ANKRD12: variants seen among roughly 807,000 people sequenced by gnomAD.
ANKRD12 encodes the protein ankyrin repeat domain 12.
A neutral mutation model predicts 183.4 loss-of-function variants in ANKRD12; 85 were observed. That is an observed-to-expected ratio of 0.46 (90% CI 0.39 to 0.56). ANKRD12 has a LOEUF of 0.56. ANKRD12 is among the 20% of genes least tolerant of loss of function. The pLI, the probability that ANKRD12 is intolerant of heterozygous loss-of-function variation, is 0.00. For missense variants in ANKRD12, 2,405 were observed against 2,357.1 expected, an observed-to-expected ratio of 1.02 and a Z score of -0.42; for synonymous variants, 914 against 800.2, an observed-to-expected ratio of 1.14 and a Z score of -2.40.
rs746173657 is a variant in ANKRD12, at chr18:9,182,423, CA to C, written c.-9del. ...CTGATAAAAGAAGAAGCTAGCTGAA[CA>C]GCTGTAAAATGCCCAAATCTGGGTT... On this transcript the variant is annotated 5_prime_UTR_variant, in exon 2 of 13. Coordinates refer to ENST00000262126, the MANE Select transcript of ANKRD12 (RefSeq NM_015208.5). 21 of 1,595,328 alleles carry C rather than the reference CA, an allele frequency of 1.3e-5. No individual in the cohort carries two copies. The African/African-American group carries it at 2.8e-4, about 22-fold the overall frequency.
intron 4 of ANKRD12, among the ~76,000 whole-genome samples, chr18:9,205,322 AT>A (rs11352784): frequency 0.52 from 79,306 of 151,296 alleles, 23,265 homozygotes; most frequent in South Asian, 0.75. Context: ...TAAAAATATG[AT>A]TTTTTTTTAG....
At position 9,285,179 on chromosome 18, in the gene ANKRD12, A is replaced by G. The variant is rs2040195239; in HGVS notation, c.*4053A>G. 1 of 151,524 alleles carries G rather than the reference A, an allele frequency of 6.6e-6. No individual in the cohort carries two copies. The highest frequency in any genetic ancestry group is 2.1e-4 in the South Asian group (1 of 4,812). 9.4% of individuals were successfully genotyped at this position (151,524 alleles called of 1,614,324 possible). The stretch of plus-strand genomic sequence containing the variant: ...AGCCGAGATCGTGCCACTGCACTCC[A>G]GCCTGGGCGACAGAGCGAGACTCCG... On this transcript the variant is annotated 3_prime_UTR_variant, in exon 13 of 13. Coordinates refer to ENST00000262126, the MANE Select transcript of ANKRD12 (RefSeq NM_015208.5).
chr18:9,259,327 C>T (rs1598731727), intron 9 of ANKRD12: 2 of 156,204 alleles, frequency 1.3e-5, no homozygotes, highest in Non-Finnish European at 2.8e-5. Context: ...GGAATTTATA[C>T]ACATTTATGT....
chr18:9,240,258 G>T (rs575993316), intron 8 of ANKRD12, among the ~76,000 whole-genome samples: 9 of 152,264 alleles, frequency 5.9e-5, no homozygotes, highest in African/African-American at 1.9e-4. Context: ...GCTTATTTGT[G>T]TATAAATGTT....
In ANKRD12 at chr18:9,254,966, T is replaced by C. The variant is rs1191061335; in HGVS notation, c.1699T>C (p.Leu567=). 6.2e-7 allele frequency: 1 copy of C among 1,607,634 alleles called. No homozygotes were observed. Among genetic ancestry groups the C allele is most frequent in the Non-Finnish European group, 8.5e-7 (1 of 1,177,736 alleles). Residue 567 remains leucine, a synonymous_variant, in exon 9 of 13, where the codon TTA becomes CTA. Transcript: ENST00000262126. The part of the protein sequence containing the change: ...PLKQEHTKTC[L]SPGSSEMSLQ... The stretch of plus-strand genomic sequence containing the variant: ...AAAACAAGAACATACTAAAACATGT[T>C]TATCACCAGGAAGTTCTGAAATGTC...
At chr18:9,163,315 C>T (rs1046608225) in intron 1 of ANKRD12, among the ~76,000 whole-genome samples, 1 of 152,126 alleles carries the variant, frequency 6.6e-6, no homozygotes, top group Non-Finnish European at 1.5e-5. Flanking sequence ...TTCTTCATTG[C>T]TTGTTTTCGT....
intron 1 of ANKRD12, among the ~76,000 whole-genome samples, chr18:9,170,400 TTTTG>T (rs1397305986): frequency 6.6e-6 from 1 of 152,014 alleles, no homozygotes. Flanking sequence ...TTCTTGGAGG[TTTTG>T]TTTGTTTCTT....
intron 1 of ANKRD12, among the ~76,000 whole-genome samples, chr18:9,171,654 A>G (rs2032739109): frequency 6.6e-6 from 1 of 152,132 alleles, no homozygotes. Flanking sequence ...TGCTTGTTTG[A>G]AAAGAATCTT....
At chr18:9,262,787 C>CTTTTTTTTT (rs71168048) in intron 9 of ANKRD12, among the ~76,000 whole-genome samples, 2 of 83,772 alleles carry the variant, frequency 2.4e-5, no homozygotes, top group African/African-American at 1.1e-4. Context: ...CAAGATGTCC[C>CTTTTTTTTT]TTTTTTTTTT....
chr18:9,268,455 G>C (rs926959243), intron 10 of ANKRD12, among the ~76,000 whole-genome samples: 4 of 152,182 alleles, frequency 2.6e-5, no homozygotes, highest in African/African-American at 9.7e-5. Flanking sequence ...TGGGATGCAA[G>C]GCTGGTTCAG....
chr18:9,182,472 A>G lies in ANKRD12; in HGVS notation c.40A>G (p.Asn14Asp), dbSNP rs947993702. 1 of 1,611,890 alleles carries G rather than the reference A, an allele frequency of 6.2e-7. No individual in the cohort carries two copies. The highest frequency in any genetic ancestry group is 1.3e-5 in the African/African-American group (1 of 74,932). The part of the protein sequence containing the change: ...SGFTKPIQSE[N>D]SDSDSNMVEK... ...GTTCACAAAACCAATTCAGAGTGAA[A>G]ATTCTGACAGTGACAGCAATATGGT... The change falls in exon 2 of 13, where the codon AAT becomes GAT. Residue 14 changes from asparagine (N) to aspartate (D), a missense_variant. Around this residue, in one of 7 missense-constraint regions of ANKRD12, gnomAD observed 145 missense variants for 145.6 expected, o/e 1.00. Coordinates refer to ENST00000262126, the MANE Select transcript of ANKRD12 (RefSeq NM_015208.5).
chr18:9,173,548 T>C (rs2032950493), intron 1 of ANKRD12, among the ~76,000 whole-genome samples: 2 of 139,488 alleles, frequency 1.4e-5, no homozygotes, highest in African/African-American at 5.4e-5. Flanking sequence ...ATATCACCAG[T>C]GAAGGCTGTG....
intron 1 of ANKRD12, among the ~76,000 whole-genome samples, chr18:9,158,258 A>G (rs1294887289): frequency 6.6e-6 from 1 of 152,216 alleles, no homozygotes; most frequent in Non-Finnish European, 1.5e-5. Flanking sequence ...TCCCAAATAA[A>G]AAACCAATAT....
intron 8 of ANKRD12, 21 bp from the exon 9 acceptor site, chr18:9,254,190 A>G (rs1383993902): frequency 6.8e-7 from 1 of 1,477,308 alleles, no homozygotes; most frequent in African/African-American, 1.4e-5. Context: ...CCCACACCAC[A>G]TTTTCTTTTT....
intron 8 of ANKRD12, among the ~76,000 whole-genome samples, chr18:9,238,335 A>G (rs775781874): frequency 3.9e-5 from 6 of 152,172 alleles, no homozygotes; most frequent in Non-Finnish European, 8.8e-5. Flanking sequence ...AGTTTTTACT[A>G]CCATTTATGT....
intron 3 of ANKRD12, among the ~76,000 whole-genome samples, chr18:9,198,657 C>T (rs577145916): frequency 1.9e-3 from 288 of 152,244 alleles, no homozygotes; most frequent in Non-Finnish European, 3.4e-3. Flanking sequence ...TCAAGTGATT[C>T]TCCCGCCTCA....
In ANKRD12 at chr18:9,284,124, CAA is replaced by C. The variant is rs1447623219; in HGVS notation, c.*3000_*3001del. 6.6e-5 allele frequency: 10 copies of C among 152,072 alleles called. No individual in the cohort carries two copies. The highest frequency in any genetic ancestry group is 1.3e-4 in the Non-Finnish European group (9 of 68,010). 9.4% of individuals were successfully genotyped at this position (152,072 alleles called of 1,614,324 possible). A position where few individuals can be genotyped will look rare whatever the true frequency, so the allele number is the denominator to read the frequency against. ...AATATTTTATTGCTAAAAATGGTAA[CAA>C]AGTGAGCACATGCTGTTGGAAAAAG... On this transcript the variant is annotated 3_prime_UTR_variant, in exon 13 of 13. Transcript: ENST00000262126.
chr18:9,236,520 T>G (rs2037354756), intron 8 of ANKRD12, among the ~76,000 whole-genome samples: 1 of 152,176 alleles, frequency 6.6e-6, no homozygotes, highest in South Asian at 2.1e-4. Context: ...AGACTTAAAT[T>G]ATTCAACTGG....
rs2040173732 is a variant in ANKRD12 at position 9,283,985 on chromosome 18, C to T, written c.*2859C>T. ...GACCATCTCAGTAAAGCAAATACCA[C>T]AACAAAGCGAGTCAGGAGGAATTTT... On this transcript the variant is annotated 3_prime_UTR_variant, in exon 13 of 13. Coordinates refer to ENST00000262126, the MANE Select transcript of ANKRD12 (RefSeq NM_015208.5). The T allele has an allele frequency of 6.6e-6, 1 of 152,138 alleles. No homozygotes were observed. Among genetic ancestry groups the T allele is most frequent in the South Asian group, 2.1e-4 (1 of 4,836 alleles). 9.4% of individuals were successfully genotyped at this position (152,138 alleles called of 1,614,324 possible). A position where few individuals can be genotyped will look rare whatever the true frequency, so the allele number is the denominator to read the frequency against.
Sources: allele counts gnomAD v4.1 joint callset (sites outside exome capture counted in the v4.1 genomes callset), GRCh38; gene constraint gnomAD v4.1.1; regional missense constraint gnomAD v4.1.1; transcripts MANE v1.5; gene names NCBI Gene and HGNC (gene_info 2026-07-23, HGNC 2026-07-21).